GRIK2: variants seen among roughly 807,000 people sequenced by gnomAD.
GRIK2 encodes the protein glutamate ionotropic receptor kainate type subunit 2.
In GRIK2, 32 loss-of-function variants were observed where a neutral mutation model predicts 100.3. The observed-to-expected ratio is 0.32, with a 90% CI of 0.24 to 0.43. The LOEUF is 0.43. GRIK2 is among the 20% of genes least tolerant of loss of function. GRIK2 has a pLI of 1.00. For missense variants in GRIK2, 843 were observed against 1,114.9 expected (o/e 0.76, Z 3.47); for synonymous variants, 417 against 389.4 (o/e 1.07, Z -0.83).
rs547474463 is a variant in GRIK2, at chr6:101,995,996, G to A, written c.2086-39345G>A. ...TTCAAGGAGAATATAAGAACGGCAA[G>A]GTCTTTGTAGCATCACTGCATGTGA... On this transcript the variant is annotated intron_variant, in intron 14 of 16. Coordinates refer to ENST00000369134, the MANE Select transcript of GRIK2 (RefSeq NM_021956.5). Among the ~76,000 whole-genome samples the A allele has an allele frequency of 2.6e-5, 4 of 152,052 alleles. No individual in the cohort carries two copies. In the East Asian group the frequency reaches 7.8e-4, roughly 29 times the overall value.
At chr6:101,671,833 C>T (rs1018100081) in intron 4 of GRIK2, among the ~76,000 whole-genome samples, 1 of 152,132 alleles carries the variant, frequency 6.6e-6, no homozygotes, top group African/African-American at 2.4e-5. Flanking sequence ...AATTGCACTC[C>T]AGCCTGGGTG....
intron 2 of GRIK2, among the ~76,000 whole-genome samples, chr6:101,486,034 TTCAA>T (rs1772808261): frequency 6.6e-6 from 1 of 152,012 alleles, no homozygotes; most frequent in Admixed American, 6.6e-5. Flanking sequence ...TTACATGAAA[TTCAA>T]TCAATCAACC....
At chr6:101,980,752 T>A (rs1375119384) in intron 14 of GRIK2, among the ~76,000 whole-genome samples, 1 of 151,718 alleles carries the variant, frequency 6.6e-6, no homozygotes. Flanking sequence ...GAAACAGTTA[T>A]AATGCCACGT....
At chr6:101,952,922 C>T (rs1791694109) in intron 14 of GRIK2, among the ~76,000 whole-genome samples, 1 of 152,134 alleles carries the variant, frequency 6.6e-6, no homozygotes, top group African/African-American at 2.4e-5. Context: ...ACCATGTACT[C>T]ATTAACAATC....
At chr6:101,967,524 G>A (rs912340011) in intron 14 of GRIK2, among the ~76,000 whole-genome samples, 1 of 152,064 alleles carries the variant, frequency 6.6e-6, no homozygotes, top group African/African-American at 2.4e-5. Context: ...GGATATAGAA[G>A]TGAAGACCTT....
rs73761399 is a variant in GRIK2 at position 101,684,360 on chromosome 6, A to T, written c.777+1754A>T. Among the ~76,000 whole-genome samples, 1,301 of 152,316 alleles carry T rather than the reference A, an allele frequency of 8.5e-3. 13 individuals carry two copies. The highest frequency in any genetic ancestry group is 0.029 in the African/African-American group (1,217 of 41,574). ...ATAGGCCTACATTTGAAGGCCTTTT[A>T]TACTTTGATCCTAATCGAACTTTCC... On this transcript the variant is annotated intron_variant, in intron 6 of 16. Transcript: ENST00000369134.
intron 15 of GRIK2, among the ~76,000 whole-genome samples, chr6:102,039,332 T>C (rs945436531): frequency 1.3e-5 from 2 of 151,568 alleles, no homozygotes; most frequent in African/African-American, 4.8e-5. Flanking sequence ...AATTCCTTCA[T>C]AGTTTTCCTG....
At chr6:101,955,612 C>G (rs1354689752) in intron 14 of GRIK2, among the ~76,000 whole-genome samples, 1 of 132,100 alleles carries the variant, frequency 7.6e-6, no homozygotes, top group Admixed American at 7.8e-5. Flanking sequence ...CTCTCTCTCT[C>G]TCTCCCCCCC....
chr6:101,573,957 G>GT (rs1055777113), intron 2 of GRIK2, among the ~76,000 whole-genome samples: 97 of 151,974 alleles, frequency 6.4e-4, no homozygotes, highest in African/African-American at 2.2e-3. Flanking sequence ...TAGACTTGAT[G>GT]TTTTTTCTCC....
chr6:101,959,840 G>A (rs1268024474), intron 14 of GRIK2, among the ~76,000 whole-genome samples: 5 of 151,908 alleles, frequency 3.3e-5, no homozygotes, highest in African/African-American at 1.2e-4. Context: ...ATGTGATAAT[G>A]AGTTTCATCT....
chr6:101,621,660 A>T (rs377053568), intron 2 of GRIK2, among the ~76,000 whole-genome samples: 1 of 152,144 alleles, frequency 6.6e-6, no homozygotes, highest in Non-Finnish European at 1.5e-5. Context: ...AACTAAAGAA[A>T]AAAAGTCCAA....
intron 12 of GRIK2, among the ~76,000 whole-genome samples, chr6:101,922,098 T>C (rs181526207): frequency 0.011 from 219 of 19,876 alleles, 5 homozygotes; most frequent in African/African-American, 0.043. Flanking sequence ...CTTCCTTCCT[T>C]CCTTCCTTCC....
intron 2 of GRIK2, among the ~76,000 whole-genome samples, chr6:101,456,693 A>AT (rs1033393425): frequency 6.6e-6 from 1 of 151,374 alleles, no homozygotes; most frequent in African/African-American, 2.4e-5. Flanking sequence ...TTTGGAAAAA[A>AT]AAACCATAGA....
At chr6:101,793,593 C>T (rs1780054991) in intron 7 of GRIK2, among the ~76,000 whole-genome samples, 1 of 152,104 alleles carries the variant, frequency 6.6e-6, no homozygotes, top group South Asian at 2.1e-4. Flanking sequence ...AGTATCTCGC[C>T]ATGTGAGGTG....
chr6:101,923,503 C>T (rs984674911), intron 12 of GRIK2, among the ~76,000 whole-genome samples: 1 of 152,154 alleles, frequency 6.6e-6, no homozygotes, highest in African/African-American at 2.4e-5. Flanking sequence ...AAGTCATCTA[C>T]AACTGGCCTT....
chr6:101,555,312 C>G (rs1295494269), intron 2 of GRIK2, among the ~76,000 whole-genome samples: 1 of 152,142 alleles, frequency 6.6e-6, no homozygotes, highest in Non-Finnish European at 1.5e-5. Context: ...AGCCACTTCT[C>G]TGTTGTAATT....
intron 15 of GRIK2, among the ~76,000 whole-genome samples, chr6:102,045,755 T>C (rs1000964099): frequency 1.3e-5 from 2 of 152,040 alleles, no homozygotes; most frequent in African/African-American, 4.8e-5. Context: ...AGAGAGCATA[T>C]GACAAGATGC....
chr6:101,783,074 G>T (rs1296370678), intron 7 of GRIK2, among the ~76,000 whole-genome samples: 1 of 151,936 alleles, frequency 6.6e-6, no homozygotes, highest in Non-Finnish European at 1.5e-5. Flanking sequence ...TAGCCAGGAT[G>T]GTCTCGATCT....
At chr6:101,972,409 G>A (rs150683527) in intron 14 of GRIK2, among the ~76,000 whole-genome samples, 14 of 152,036 alleles carry the variant, frequency 9.2e-5, no homozygotes, top group Middle Eastern at 6.8e-3. Flanking sequence ...CTTTTGAGAA[G>A]TATCGGTTCA....
Sources: allele counts gnomAD v4.1 joint callset (sites outside exome capture counted in the v4.1 genomes callset), GRCh38; gene constraint gnomAD v4.1.1; transcripts MANE v1.5; gene names NCBI Gene and HGNC (gene_info 2026-07-23, HGNC 2026-07-21).